Variants in NEK7 observed in about 807,000 individuals in gnomAD.
The protein encoded by NEK7 is serine/threonine-protein kinase Nek7.
NEK7 carries 18 observed loss-of-function variants against 44.6 expected under a neutral mutation model. The ratio of observed to expected loss-of-function variants is 0.40; its 90% confidence interval spans 0.28 to 0.60. The LOEUF (loss-of-function observed/expected upper bound fraction) is 0.60, where lower values mean the gene tolerates loss of function less well. Among genes scored for constraint, NEK7 ranks in the 20% least tolerant of loss-of-function variants. The probability of loss-of-function intolerance (pLI) is 0.38; values close to 1 mark genes in which losing one functional copy is unlikely to be tolerated. For synonymous variants in NEK7, 130 were observed against 121.1 expected (o/e 1.07, Z -0.48); for missense variants, 256 against 366.5 (o/e 0.70, Z 2.46).
chr1:198,180,853 A>G (rs1321473820), intron 1 of NEK7, among the ~76,000 whole-genome samples: 1 of 152,116 alleles, frequency 6.6e-6, no homozygotes, highest in Admixed American at 6.6e-5. Flanking sequence ...TAGCTCACAC[A>G]TTTTTTAATG....
chr1:198,170,143 T>C (rs1664394230), intron 1 of NEK7, among the ~76,000 whole-genome samples: 1 of 152,190 alleles, frequency 6.6e-6, no homozygotes, highest in South Asian at 2.1e-4. Context: ...ATGGTCACTG[T>C]CAGGATATTC....
intron 3 of NEK7, chr1:198,256,365 C>CGCTAAAT (rs778425059): frequency 1.2e-6 from 2 of 1,611,436 alleles, no homozygotes; most frequent in Admixed American, 1.7e-5. Flanking sequence ...AGAGTGTGTG[C>CGCTAAAT]GCTAAATGCA....
At chr1:198,157,562 G>A (rs1400119096) in intron 1 of NEK7, among the ~76,000 whole-genome samples, 1 of 152,220 alleles carries the variant, frequency 6.6e-6, no homozygotes. Context: ...GAAACTCCGT[G>A]GCCACGGCGG....
chr1:198,195,226 C>A (rs909304739), intron 1 of NEK7, among the ~76,000 whole-genome samples: 8 of 152,014 alleles, frequency 5.3e-5, no homozygotes, highest in Non-Finnish European at 1.2e-4. Flanking sequence ...CAATAACTGA[C>A]ATGTAAGTAC....
intron 2 of NEK7, among the ~76,000 whole-genome samples, chr1:198,234,109 T>TG (rs1404848932): frequency 2.0e-5 from 3 of 152,134 alleles, no homozygotes; most frequent in African/African-American, 7.2e-5. Flanking sequence ...GGATGCCCTC[T>TG]GGTACTTCAA....
intron 3 of NEK7, chr1:198,256,421 A>G (rs764482784): frequency 6.2e-7 from 1 of 1,611,692 alleles, no homozygotes; most frequent in Non-Finnish European, 8.5e-7. Context: ...CCTACAGTAT[A>G]TGGCAACATT....
chr1:198,231,337 A>ATATATATATATATATATATAT (rs57756207), intron 1 of NEK7, among the ~76,000 whole-genome samples: 1 of 138,338 alleles, frequency 7.2e-6, no homozygotes, highest in African/African-American at 2.9e-5. Context: ...ATATATATAT[A>ATATATATATATATATATATAT]AAAACACATG....
intron 7 of NEK7, among the ~76,000 whole-genome samples, chr1:198,282,566 A>G (rs1654238785): frequency 6.6e-6 from 1 of 152,120 alleles, no homozygotes; most frequent in African/African-American, 2.4e-5. Flanking sequence ...TAAAACTAGA[A>G]ATGCAGGTAA....
At chr1:198,257,125 G>A (rs931983646) in intron 3 of NEK7, among the ~76,000 whole-genome samples, 3 of 152,012 alleles carry the variant, frequency 2.0e-5, no homozygotes, top group African/African-American at 7.2e-5. Context: ...CTATTTTACT[G>A]TGTGGCAGCC....
chr1:198,305,865 A>G (rs1655009457), intron 9 of NEK7, among the ~76,000 whole-genome samples: 1 of 152,170 alleles, frequency 6.6e-6, no homozygotes, highest in Non-Finnish European at 1.5e-5. Context: ...CATTCTTTTG[A>G]AAGTCTAATA....
intron 7 of NEK7, among the ~76,000 whole-genome samples, chr1:198,291,640 C>CT (rs900773142): frequency 8.3e-4 from 123 of 148,340 alleles, no homozygotes; most frequent in African/African-American, 2.3e-3. Context: ...TGTTTGCATA[C>CT]TTTTTTTTTT....
intron 2 of NEK7, among the ~76,000 whole-genome samples, chr1:198,234,598 G>A (rs1007047028): frequency 6.6e-6 from 1 of 152,184 alleles, no homozygotes. Flanking sequence ...AACCAGGAAA[G>A]GTCGGAGTGG....
At chr1:198,300,492 C>T (rs1654851511) in intron 9 of NEK7, among the ~76,000 whole-genome samples, 1 of 152,188 alleles carries the variant, frequency 6.6e-6, no homozygotes, top group Non-Finnish European at 1.5e-5. Context: ...TCCTTTCAAA[C>T]ATAGCTTGGA....
Position 198,310,661 on chromosome 1 carries a change from G to A in NEK7, c.799-8751G>A, listed in dbSNP as rs146368928. Reference sequence around the variant, plus strand: ...GATCCAGTTTCAGCTTTCTACATACGGCTAGTCAGTTTCCCCAACACCATT... The same window carrying A: ...GATCCAGTTTCAGCTTTCTACATACAGCTAGTCAGTTTCCCCAACACCATT... On this transcript the variant is annotated intron_variant, in intron 9 of 9. Coordinates refer to ENST00000367385, the MANE Select transcript of NEK7 (RefSeq NM_133494.3). Among the ~76,000 whole-genome samples, 867 of 152,062 alleles carry A rather than the reference G, an allele frequency of 5.7e-3. 3 individuals are homozygous for A. Among genetic ancestry groups the A allele is most frequent in the Non-Finnish European group, 0.01 (696 of 68,002 alleles).
chr1:198,251,592 G>A (rs1398702139), intron 2 of NEK7, among the ~76,000 whole-genome samples: 1 of 152,028 alleles, frequency 6.6e-6, no homozygotes, highest in Non-Finnish European at 1.5e-5. Context: ...CTTCTTCCTG[G>A]TTTAGTCTTG....
chr1:198,307,263 G>A (rs1197016954), intron 9 of NEK7, among the ~76,000 whole-genome samples: 1 of 152,090 alleles, frequency 6.6e-6, no homozygotes, highest in Non-Finnish European at 1.5e-5. Flanking sequence ...TATCTCATAT[G>A]AAGATCTTTG....
At chr1:198,274,903 A>C (rs1430015417) in intron 5 of NEK7, among the ~76,000 whole-genome samples, 1 of 151,806 alleles carries the variant, frequency 6.6e-6, no homozygotes, top group Non-Finnish European at 1.5e-5. Flanking sequence ...TGGATCAGCT[A>C]TAGCCCTTTT....
rs78680767 is a variant in NEK7, at chr1:198,304,891, A to G, written c.798+7651A>G. On this transcript the variant is annotated intron_variant, in intron 9 of 9. Coordinates refer to ENST00000367385, the MANE Select transcript of NEK7 (RefSeq NM_133494.3). ...TACTTTATATACTTTGTTTCATTTA[A>G]GTGTTTCTGTGTTGCTTTTTAAATT... Among the ~76,000 whole-genome samples, 17 of 152,262 alleles carry G rather than the reference A, an allele frequency of 1.1e-4. No individual in the cohort carries two copies. In the East Asian group the frequency reaches 3.3e-3, roughly 29 times the overall value.
At chr1:198,160,192 A>G (rs1194949877) in intron 1 of NEK7, among the ~76,000 whole-genome samples, 1 of 152,192 alleles carries the variant, frequency 6.6e-6, no homozygotes, top group African/African-American at 2.4e-5. Context: ...TGTCGCCACC[A>G]TTCAGGGTAC....
Sources: allele counts gnomAD v4.1 joint callset (sites outside exome capture counted in the v4.1 genomes callset), GRCh38; gene constraint gnomAD v4.1.1; transcripts MANE v1.5; gene names NCBI Gene and HGNC (gene_info 2026-07-23, HGNC 2026-07-21).